The following ATG7 variants were observed in gnomAD, a reference collection of about 807,000 sequenced individuals.
ATG7 encodes ubiquitin-like modifier-activating enzyme ATG7.
ATG7 carries 70 observed loss-of-function variants against 82.4 expected under a neutral mutation model. That is an observed-to-expected ratio of 0.85 (90% confidence interval 0.70 to 1.04). The LOEUF is 1.04. ATG7 is among the 50% of genes least tolerant of loss of function. ATG7 has a pLI of 0.00. For missense variants in ATG7, 792 were observed against 864.3 expected (o/e 0.92, Z 1.05); for synonymous variants, 287 against 313.0 (o/e 0.92, Z 0.88).
intron 8 of ATG7, among the ~76,000 whole-genome samples, chr3:11,314,625 A>T (rs1949138097): frequency 6.6e-6 from 1 of 152,132 alleles, no homozygotes; most frequent in Non-Finnish European, 1.5e-5. Context: ...ACATTGCATT[A>T]TGTACTTTAA....
At chr3:11,471,728 A>C (rs1353774458) in intron 20 of ATG7, among the ~76,000 whole-genome samples, 1 of 107,310 alleles carries the variant, frequency 9.3e-6, no homozygotes, top group Non-Finnish European at 1.9e-5. Flanking sequence ...TACTTCATAG[A>C]TTGGCTTTTT....
Position 11,315,375 on chromosome 3 carries a change from T to G in ATG7, c.560T>G (p.Leu187Arg). 1 of 1,608,030 alleles carries G rather than the reference T, an allele frequency of 6.2e-7. No individual in the cohort carries two copies. Among genetic ancestry groups the G allele is most frequent in the South Asian group, 1.1e-5 (1 of 89,360 alleles). Residue 187 changes from leucine (L) to arginine (R), a missense_variant, in exon 9 of 21, where the codon CTT becomes CGT. By Grantham distance (102) the Leu-to-Arg change is moderately radical. Transcript: ENST00000693202. Reference sequence around the variant, plus strand: ...GCACTAGAGTGTGCATATGATAATCTTTGTCAAACAGAAGGAGTCACAGCT... The same window carrying G: ...GCACTAGAGTGTGCATATGATAATCGTTGTCAAACAGAAGGAGTCACAGCT... ...IEALECAYDN[L>R]CQTEGVTALP...
chr3:11,527,065 G>A (rs868801436), intron 20 of ATG7, among the ~76,000 whole-genome samples: 35 of 97,482 alleles, frequency 3.6e-4, no homozygotes, highest in Admixed American at 1.7e-3. Context: ...GTGTGTGTGT[G>A]TGTGTGTATA....
intron 19 of ATG7, among the ~76,000 whole-genome samples, chr3:11,420,738 A>G (rs931756430): frequency 1.3e-5 from 2 of 151,600 alleles, no homozygotes; most frequent in African/African-American, 2.4e-5. Context: ...TGCATACCTT[A>G]AGTAATACAA....
At chr3:11,530,027 C>T (rs1486795121) in intron 20 of ATG7, among the ~76,000 whole-genome samples, 1 of 152,116 alleles carries the variant, frequency 6.6e-6, no homozygotes, top group Non-Finnish European at 1.5e-5. Context: ...CAGAGGAGGA[C>T]CTTCTACTTG....
intron 19 of ATG7, among the ~76,000 whole-genome samples, chr3:11,419,111 A>C (rs774174575): frequency 6.6e-6 from 1 of 152,208 alleles, no homozygotes; most frequent in Non-Finnish European, 1.5e-5. Flanking sequence ...AAATACATGC[A>C]CGTGTATTTT....
Position 11,344,924 on chromosome 3 carries a change from G to A in ATG7, c.1125+2645G>A, listed in dbSNP as rs530455349. The stretch of plus-strand genomic sequence containing the variant: ...ACATCTCACTTCATAAGTCAAATTG[G>A]TTTATAGTCATGTTATTCCTTGTTC... On this transcript the variant is annotated intron_variant, in intron 13 of 20. Coordinates refer to ENST00000693202, the MANE Select transcript of ATG7 (RefSeq NM_001349232.2). Among the ~76,000 whole-genome samples the A allele has an allele frequency of 1.2e-4, 19 of 152,208 alleles. No individual in the cohort carries two copies. The South Asian group carries it at 3.5e-3, about 28-fold the overall frequency.
the ATG7 span, among the ~76,000 whole-genome samples, chr3:11,570,353 A>G: frequency 6.6e-6 from 1 of 152,092 alleles, no homozygotes; most frequent in Non-Finnish European, 1.5e-5. Context: ...ACAGGAAAGG[A>G]GCAGTGCGGA....
intron 20 of ATG7, among the ~76,000 whole-genome samples, chr3:11,433,150 C>G (rs1478549160): frequency 6.6e-6 from 1 of 151,844 alleles, no homozygotes; most frequent in Non-Finnish European, 1.5e-5. Flanking sequence ...AGAAATTAGC[C>G]AGGCATGGTG....
chr3:11,374,921 A>T (rs796101119), intron 18 of ATG7, among the ~76,000 whole-genome samples: 25 of 133,464 alleles, frequency 1.9e-4, no homozygotes, highest in African/African-American at 6.0e-4. Flanking sequence ...AAAAAAAAAA[A>T]GTCTGGGCAT....
intron 10 of ATG7, among the ~76,000 whole-genome samples, chr3:11,332,427 G>A (rs1951782068): frequency 6.6e-6 from 1 of 152,174 alleles, no homozygotes; most frequent in African/African-American, 2.4e-5. Flanking sequence ...TGGGATTTGT[G>A]TAATGTGTCT....
At chr3:11,413,330 C>A (rs775854282) in intron 19 of ATG7, among the ~76,000 whole-genome samples, 1 of 152,046 alleles carries the variant, frequency 6.6e-6, no homozygotes, top group South Asian at 2.1e-4. Context: ...TATGTTGAGG[C>A]AGTTTCCTTC....
the ATG7 span, among the ~76,000 whole-genome samples, chr3:11,573,558 G>A: frequency 4.7e-4 from 71 of 152,262 alleles, no homozygotes; most frequent in African/African-American, 1.5e-3. Flanking sequence ...CTGTCCCTCC[G>A]ACGGCCATGG....
intron 20 of ATG7, among the ~76,000 whole-genome samples, chr3:11,469,185 C>G (rs774515311): frequency 2.1e-4 from 32 of 152,320 alleles, no homozygotes; most frequent in Non-Finnish European, 3.5e-4. Flanking sequence ...TGCAGTGGCT[C>G]ATGCCTGTAA....
rs1954704794 is a variant in ATG7, at chr3:11,347,333, TA to T, written c.1126-543del. 7.9e-5 allele frequency among the ~76,000 whole-genome samples: 12 copies of T among 152,358 alleles called. No individual in the cohort carries two copies. The South Asian group carries it at 2.5e-3, about 32-fold the overall frequency. On this transcript the variant is annotated intron_variant, in intron 13 of 20. Coordinates refer to ENST00000693202, the MANE Select transcript of ATG7 (RefSeq NM_001349232.2). Reference sequence around the variant, plus strand: ...AAACCGTGAAAACTATTTCTAAGAATATAGACTTGTTCCCTAAATTCCAGAT... The same window carrying T: ...AAACCGTGAAAACTATTTCTAAGAATTAGACTTGTTCCCTAAATTCCAGAT...
intron 20 of ATG7, among the ~76,000 whole-genome samples, chr3:11,550,855 G>A (rs1242577926): frequency 4.0e-5 from 6 of 151,580 alleles, no homozygotes; most frequent in Non-Finnish European, 8.8e-5. Flanking sequence ...TTATGGATTT[G>A]GGATCATAGG....
At chr3:11,305,931 G>A (rs1947645880) in intron 5 of ATG7, among the ~76,000 whole-genome samples, 1 of 152,168 alleles carries the variant, frequency 6.6e-6, no homozygotes, top group Admixed American at 6.5e-5. Flanking sequence ...TCAGTGAAAA[G>A]GCATTCTGTC....
chr3:11,501,270 T>C (rs1002826629), intron 20 of ATG7, among the ~76,000 whole-genome samples: 3 of 152,172 alleles, frequency 2.0e-5, no homozygotes, highest in Non-Finnish European at 4.4e-5. Context: ...AAGAAAATCA[T>C]AGAAATTTTG....
At chr3:11,307,494 T>C (rs1032079810) in intron 6 of ATG7, among the ~76,000 whole-genome samples, 5 of 152,234 alleles carry the variant, frequency 3.3e-5, no homozygotes, top group African/African-American at 1.2e-4. Context: ...GTGTCTTCAC[T>C]TATCTACTGC....
Sources: allele counts gnomAD v4.1 joint callset (sites outside exome capture counted in the v4.1 genomes callset), GRCh38; gene constraint gnomAD v4.1.1; transcripts MANE v1.5; gene names NCBI Gene and HGNC (gene_info 2026-07-23, HGNC 2026-07-21).